EXTL3: variants seen among roughly 807,000 people sequenced by gnomAD.
EXTL3 encodes exostosin-like 3.
EXTL3 carries 27 observed loss-of-function variants against 69.3 expected under a neutral mutation model. The ratio of observed to expected loss-of-function variants is 0.39; its 90% confidence interval spans 0.29 to 0.54. The LOEUF is 0.54. Ranked by LOEUF, EXTL3 falls within the 20% of genes least tolerant of loss-of-function variation. The pLI, the probability that EXTL3 is intolerant of heterozygous loss-of-function variation, is 0.69. For missense variants in EXTL3, 1,003 were observed against 1,231.8 expected, an observed-to-expected ratio of 0.81 and a Z score of 2.78; for synonymous variants, 511 against 499.4, an observed-to-expected ratio of 1.02 and a Z score of -0.31.
chr8:28,670,971 T>C, intron 1 of EXTL3, among the ~76,000 whole-genome samples: 1 of 34,240 alleles, frequency 2.9e-5, no homozygotes, highest in Non-Finnish European at 4.5e-5. Flanking sequence ...ATAGCTTCTG[T>C]TTTTTTTTTT....
chr8:28,656,632 A>G (rs1807015779), intron 1 of EXTL3, among the ~76,000 whole-genome samples: 1 of 152,184 alleles, frequency 6.6e-6, no homozygotes, highest in South Asian at 2.1e-4. Flanking sequence ...TACCTTGCAC[A>G]CGTCAAGGTC....
At chr8:28,639,730 C>T (rs889128528) in intron 1 of EXTL3, among the ~76,000 whole-genome samples, 1 of 152,240 alleles carries the variant, frequency 6.6e-6, no homozygotes, top group African/African-American at 2.4e-5. Flanking sequence ...GCCTTTCATA[C>T]TGAAGTATGT....
At chr8:28,682,313 G>T (rs1360015420) in intron 1 of EXTL3, among the ~76,000 whole-genome samples, 2 of 152,148 alleles carry the variant, frequency 1.3e-5, no homozygotes, top group African/African-American at 2.4e-5. Context: ...TTTCCTTGCT[G>T]TTGAGTTGAG....
intron 1 of EXTL3, among the ~76,000 whole-genome samples, chr8:28,711,100 T>C (rs1801022585): frequency 6.6e-6 from 1 of 152,268 alleles, no homozygotes; most frequent in Admixed American, 6.5e-5. Flanking sequence ...TGAGTTGTGG[T>C]ACTTTGTGTT....
At chr8:28,690,048 G>A (rs894771040) in intron 1 of EXTL3, among the ~76,000 whole-genome samples, 11 of 152,062 alleles carry the variant, frequency 7.2e-5, no homozygotes, top group African/African-American at 2.7e-4. Flanking sequence ...GGGGCTACAG[G>A]GATGTTCATT....
chr8:28,711,624 T>C (rs993815992), intron 1 of EXTL3, among the ~76,000 whole-genome samples: 5 of 152,232 alleles, frequency 3.3e-5, no homozygotes, highest in Non-Finnish European at 7.3e-5. Flanking sequence ...GTAGTCTAGC[T>C]GCAGGTCCAT....
intron 1 of EXTL3, among the ~76,000 whole-genome samples, chr8:28,651,194 G>A (rs748164454): frequency 2.2e-4 from 33 of 152,188 alleles, no homozygotes; most frequent in Middle Eastern, 6.8e-3. Context: ...TTCAGATTTG[G>A]GATGCTCAAT....
upstream of EXTL3, among the ~76,000 whole-genome samples, chr8:28,621,448 CAGGACTGTG>C (rs1407012018): frequency 6.6e-6 from 1 of 152,170 alleles, no homozygotes; most frequent in East Asian, 1.9e-4. Flanking sequence ...TTCCAGCGTC[CAGGACTGTG>C]AGACAGCACA....
intron 1 of EXTL3, among the ~76,000 whole-genome samples, chr8:28,631,193 C>T (rs558115116): frequency 6.6e-6 from 1 of 150,572 alleles, no homozygotes; most frequent in South Asian, 2.1e-4. Context: ...CACGTGGCCT[C>T]CCTTGAATAT....
intron 2 of EXTL3, among the ~76,000 whole-genome samples, chr8:28,609,056 TCTG>T (rs2130527269): frequency 6.6e-6 from 1 of 152,150 alleles, no homozygotes; most frequent in South Asian, 2.1e-4. Context: ...CACACAGAAG[TCTG>T]CTAGCAGAGC....
intron 1 of EXTL3, among the ~76,000 whole-genome samples, chr8:28,653,592 G>GT (rs762262030): frequency 6.6e-6 from 1 of 152,114 alleles, no homozygotes; most frequent in Non-Finnish European, 1.5e-5. Context: ...TGGATATCCA[G>GT]TTTTTTCAGC....
intron 1 of EXTL3, among the ~76,000 whole-genome samples, chr8:28,694,032 T>C (rs1401051882): frequency 6.6e-6 from 1 of 152,192 alleles, no homozygotes; most frequent in African/African-American, 2.4e-5. Context: ...TTGTTTGGGA[T>C]TGATCTAGAA....
At chr8:28,667,149 A>C (rs368313104) in intron 1 of EXTL3, among the ~76,000 whole-genome samples, 1 of 152,344 alleles carries the variant, frequency 6.6e-6, no homozygotes, top group East Asian at 1.9e-4. Flanking sequence ...TGAACAAGTT[A>C]AGTAGGCAAA....
intron 2 of EXTL3, among the ~76,000 whole-genome samples, chr8:28,615,398 A>G (rs1460729885): frequency 1.3e-5 from 2 of 152,132 alleles, no homozygotes; most frequent in Non-Finnish European, 2.9e-5. Flanking sequence ...CTGCAGGTCT[A>G]TCAGTTTTTG....
intron 4 of EXTL3, among the ~76,000 whole-genome samples, chr8:28,733,633 G>A (rs549748806): frequency 6.7e-6 from 1 of 149,640 alleles, no homozygotes; most frequent in Non-Finnish European, 1.5e-5. Context: ...CTGGCCTCGA[G>A]CAAGCCTCCC....
intron 1 of EXTL3, among the ~76,000 whole-genome samples, chr8:28,690,606 T>C (rs947175500): frequency 6.6e-6 from 1 of 152,186 alleles, no homozygotes; most frequent in African/African-American, 2.4e-5. Flanking sequence ...GGGTCTTTCA[T>C]GAGACTGCAG....
chr8:28,708,096 A>G (rs963595888), intron 1 of EXTL3, among the ~76,000 whole-genome samples: 2 of 152,118 alleles, frequency 1.3e-5, no homozygotes, highest in African/African-American at 2.4e-5. Flanking sequence ...TTAGAAACCT[A>G]CTCTTAAGCC....
Position 28,751,078 on chromosome 8 carries a change from C to T in EXTL3, c.*212C>T, listed in dbSNP as rs760589839. On this transcript the variant is annotated 3_prime_UTR_variant, in exon 7 of 7. Transcript: ENST00000220562. ...GCCCTGGGCGGAGTCCCCGGGGTTCCCCACACAGGGCACTGACTGATAGCT... is the reference window on the plus strand; with the variant it reads ...GCCCTGGGCGGAGTCCCCGGGGTTCTCCACACAGGGCACTGACTGATAGCT... 5.1e-6 allele frequency: 3 copies of T among 583,478 alleles called. No homozygotes were observed. The highest frequency in any genetic ancestry group is 9.2e-6 in the Non-Finnish European group (3 of 326,244). The allele number at this position is 583,478 out of a possible 1,614,324, so 36.1% of individuals were successfully genotyped here. A position where few individuals can be genotyped will look rare whatever the true frequency, so the allele number is the denominator to read the frequency against.
At chr8:28,669,260 A>C (rs2130638240) in intron 1 of EXTL3, among the ~76,000 whole-genome samples, 1 of 152,330 alleles carries the variant, frequency 6.6e-6, no homozygotes, top group South Asian at 2.1e-4. Context: ...AACTATAAGG[A>C]AAATGTCCTA....
Sources: gnomAD v4.1 joint callset for allele counts (sites outside exome capture counted in the v4.1 genomes callset) on GRCh38, gnomAD v4.1.1 for gene constraint, MANE v1.5 for transcripts, NCBI Gene and HGNC (gene_info 2026-07-23, HGNC 2026-07-21) for gene names.